MAD1L1: variants seen among roughly 807,000 people sequenced by gnomAD.
The protein encoded by MAD1L1 is mitotic arrest deficient 1 like 1, also known as mitotic spindle assembly checkpoint protein MAD1.
A neutral mutation model predicts 96.9 loss-of-function variants in MAD1L1; 95 were observed. The observed-to-expected ratio is 0.98, with a 90% confidence interval of 0.83 to 1.16. The LOEUF is 1.16. MAD1L1 is among the 50% of genes most tolerant of loss of function. The pLI, the probability that MAD1L1 is intolerant of heterozygous loss-of-function variation, is 0.00. For synonymous variants in MAD1L1, 473 were observed against 396.6 expected, an observed-to-expected ratio of 1.19 and a Z score of -2.29; for missense variants, 1,007 against 954.4, an observed-to-expected ratio of 1.06 and a Z score of -0.73.
chr7:1,824,592 G>T (rs1236812043), intron 18 of MAD1L1, among the ~76,000 whole-genome samples: 1 of 152,148 alleles, frequency 6.6e-6, no homozygotes, highest in East Asian at 1.9e-4. Flanking sequence ...CTGGTTGTCT[G>T]CCAGGCCCCG....
At chr7:2,089,749 T>C (rs935713564) in intron 11 of MAD1L1, among the ~76,000 whole-genome samples, 1 of 149,190 alleles carries the variant, frequency 6.7e-6, no homozygotes, top group African/African-American at 2.5e-5. Context: ...ATCACGTGCA[T>C]CGTGTTTAAT....
At chr7:2,120,111 C>T (rs3778977) in intron 11 of MAD1L1, among the ~76,000 whole-genome samples, 50,906 of 152,156 alleles carry the variant, frequency 0.33, 9,934 homozygotes, top group East Asian at 0.51. Context: ...TGCAGTCCCA[C>T]GCCCCACACT....
Position 2,146,851 on chromosome 7 carries a change from C to T in MAD1L1, c.1073+2301G>A, listed in dbSNP as rs554465288. Among the ~76,000 whole-genome samples the T allele has an allele frequency of 6.6e-6, 1 of 152,318 alleles. No individual in the cohort carries two copies. The highest frequency in any genetic ancestry group is 6.5e-5 in the Admixed American group (1 of 15,304). On this transcript the variant is annotated intron_variant, in intron 11 of 18. Coordinates refer to ENST00000265854, the MANE Select transcript of MAD1L1 (RefSeq NM_001013836.2). This position sits in a 1 kb window ranked among gnomAD's most constrained non-coding sequence, Gnocchi z 6.2. ...CGTGCGAGGCTCCCTGACCCCGCCACGGCAGGCCGCGACGAACACGGTGTC... is the reference window on the plus strand; with the variant it reads ...CGTGCGAGGCTCCCTGACCCCGCCATGGCAGGCCGCGACGAACACGGTGTC...
chr7:1,937,409 C>T (rs919342967), intron 16 of MAD1L1, among the ~76,000 whole-genome samples: 9 of 152,206 alleles, frequency 5.9e-5, no homozygotes, highest in Non-Finnish European at 1.0e-4. Context: ...CTCAGGAATG[C>T]GCCTCGCAAC....
At chr7:2,203,262 G>A (rs1792411325) in intron 10 of MAD1L1, among the ~76,000 whole-genome samples, 1 of 152,236 alleles carries the variant, frequency 6.6e-6, no homozygotes, top group Non-Finnish European at 1.5e-5. Flanking sequence ...ATTTCATAGG[G>A]TCCCCCTCAG....
At chr7:2,030,141 G>C (rs1783157095) in intron 12 of MAD1L1, among the ~76,000 whole-genome samples, 1 of 152,192 alleles carries the variant, frequency 6.6e-6, no homozygotes, top group African/African-American at 2.4e-5. Context: ...GGCTGGCAGA[G>C]AGTGCCCCAG....
At chr7:1,878,277 A>C (rs537420557) in intron 18 of MAD1L1, among the ~76,000 whole-genome samples, 1 of 151,998 alleles carries the variant, frequency 6.6e-6, no homozygotes, top group Admixed American at 6.5e-5. Context: ...ATTCTTCCAG[A>C]AAAAAGAGGA....
intron 18 of MAD1L1, among the ~76,000 whole-genome samples, chr7:1,866,217 T>C (rs905819304): frequency 3.3e-5 from 5 of 151,636 alleles, no homozygotes; most frequent in Non-Finnish European, 7.4e-5. Flanking sequence ...CAGTACATGC[T>C]GGAAGCCAGG....
At chr7:1,972,816 C>T (rs1202052479) in intron 15 of MAD1L1, among the ~76,000 whole-genome samples, 3 of 152,192 alleles carry the variant, frequency 2.0e-5, no homozygotes, top group Non-Finnish European at 4.4e-5. Flanking sequence ...ACTTCCTTCT[C>T]AGCACCGGTC....
intron 18 of MAD1L1, among the ~76,000 whole-genome samples, chr7:1,892,846 C>T (rs551645420): frequency 3.3e-5 from 5 of 152,256 alleles, no homozygotes; most frequent in South Asian, 2.1e-4. Flanking sequence ...ATCCCAGAAG[C>T]TCACGGTTTT....
chr7:2,212,138 C>T (rs945626295), intron 10 of MAD1L1, among the ~76,000 whole-genome samples: 24 of 150,696 alleles, frequency 1.6e-4, no homozygotes, highest in Non-Finnish European at 2.4e-4. Context: ...GCCAACTGAG[C>T]GGCTGCTGGA....
chr7:1,892,140 C>G (rs760264591), intron 18 of MAD1L1, among the ~76,000 whole-genome samples: 4 of 152,196 alleles, frequency 2.6e-5, no homozygotes, highest in Non-Finnish European at 5.9e-5. Context: ...CGTACAGACA[C>G]GCAGATGCTT....
At chr7:2,177,186 C>G (rs1424334207) in intron 10 of MAD1L1, among the ~76,000 whole-genome samples, 1 of 152,216 alleles carries the variant, frequency 6.6e-6, no homozygotes, top group Non-Finnish European at 1.5e-5. Context: ...TCCCTGATAT[C>G]AGGCAGTAAC....
intron 15 of MAD1L1, among the ~76,000 whole-genome samples, chr7:1,971,062 C>T (rs1780382651): frequency 6.6e-6 from 1 of 152,144 alleles, no homozygotes; most frequent in Non-Finnish European, 1.5e-5. Flanking sequence ...CCACCCGGGG[C>T]CCACAGCCAG....
chr7:1,821,139 ATAT>A (rs1782106606), intron 18 of MAD1L1, among the ~76,000 whole-genome samples: 1 of 151,976 alleles, frequency 6.6e-6, no homozygotes, highest in Non-Finnish European at 1.5e-5. Flanking sequence ...TGAAATGGAA[ATAT>A]TATAATAGAT....
intron 10 of MAD1L1, among the ~76,000 whole-genome samples, chr7:2,197,831 C>T (rs1792072925): frequency 6.6e-6 from 1 of 152,160 alleles, no homozygotes; most frequent in African/African-American, 2.4e-5. Context: ...ACACTTCAAA[C>T]ACACATTCCC....
At chr7:2,040,230 T>C (rs1783613163) in intron 12 of MAD1L1, among the ~76,000 whole-genome samples, 2 of 152,070 alleles carry the variant, frequency 1.3e-5, no homozygotes. Flanking sequence ...ACAACCTGAG[T>C]AGACCCACAG....
intron 11 of MAD1L1, among the ~76,000 whole-genome samples, chr7:2,107,244 T>C (rs1309469389): frequency 6.6e-6 from 1 of 152,138 alleles, no homozygotes; most frequent in East Asian, 1.9e-4. Flanking sequence ...GAGGTCTCGC[T>C]GCCGGAGCAT....
At chr7:2,027,246 C>A (rs1783033322) in intron 12 of MAD1L1, among the ~76,000 whole-genome samples, 1 of 152,128 alleles carries the variant, frequency 6.6e-6, no homozygotes, top group African/African-American at 2.4e-5. Context: ...AACCCCTAGG[C>A]CCAGATGCTT....
Sources: gnomAD v4.1 joint callset for allele counts (sites outside exome capture counted in the v4.1 genomes callset) on GRCh38, gnomAD v4.1.1 for gene constraint, Gnocchi (gnomAD v3.1) non-coding constraint, MANE v1.5 for transcripts, NCBI Gene and HGNC (gene_info 2026-07-23, HGNC 2026-07-21) for gene names.